The following SEC11A variants were observed in gnomAD, a reference collection of about 807,000 sequenced individuals.
The protein encoded by SEC11A is SEC11 homolog A, signal peptidase complex subunit.
In SEC11A, 14 loss-of-function variants were observed where a neutral mutation model predicts 25.6. The ratio of observed to expected loss-of-function variants is 0.55; its 90% CI spans 0.36 to 0.85. The LOEUF is 0.85. SEC11A is among the 40% of genes least tolerant of loss of function. The pLI, the probability that SEC11A is intolerant of heterozygous loss-of-function variation, is 0.01. For synonymous variants in SEC11A, 83 were observed against 76.4 expected, an observed-to-expected ratio of 1.09 and a Z score of -0.45; for missense variants, 153 against 222.9, an observed-to-expected ratio of 0.69 and a Z score of 2.00.
At chr15:84,688,862 C>G (rs997933523) in intron 2 of SEC11A, among the ~76,000 whole-genome samples, 1 of 152,018 alleles carries the variant, frequency 6.6e-6, no homozygotes, top group African/African-American at 2.4e-5. Flanking sequence ...GAAACCCAGT[C>G]TCAACTAAAA....
chr15:84,711,459 C>CT (rs1898263773), intron 1 of SEC11A, among the ~76,000 whole-genome samples: 1 of 151,730 alleles, frequency 6.6e-6, no homozygotes, highest in Non-Finnish European at 1.5e-5. Flanking sequence ...AACAAGCTTC[C>CT]TAAATTTTCA....
chr15:84,687,810 A>G, intron 2 of SEC11A, 36 bp from the exon 3 acceptor site: 1 of 1,551,442 alleles, frequency 6.4e-7, no homozygotes, highest in Non-Finnish European at 8.7e-7. Context: ...GCAAAAAGAA[A>G]GTATGAGATT....
At chr15:84,715,857 T>C (rs1197379214) in intron 1 of SEC11A, among the ~76,000 whole-genome samples, 168 bp downstream of exon 1, 2 of 152,084 alleles carry the variant, frequency 1.3e-5, no homozygotes, top group East Asian at 3.9e-4. Flanking sequence ...TTAAAAATAA[T>C]GAGGCGGACA....
chr15:84,684,627 G>A lies in SEC11A; in HGVS notation c.311+2998C>T, dbSNP rs140238202. Among the ~76,000 whole-genome samples the A allele has an allele frequency of 3.4e-3, 524 of 152,114 alleles. 1 individual carries two copies. The highest frequency in any genetic ancestry group is 0.011 in the South Asian group (51 of 4,826). On this transcript the variant is annotated intron_variant, in intron 3 of 5. Coordinates refer to ENST00000268220, the MANE Select transcript of SEC11A (RefSeq NM_014300.4). ...ATTTGTCCCCATATTTAAGAACAAT[G>A]TTAATACTATTAAACCAAATGGGGC...
chr15:84,675,417 C>T (rs975860867), intron 4 of SEC11A, among the ~76,000 whole-genome samples: 2 of 152,068 alleles, frequency 1.3e-5, no homozygotes, highest in African/African-American at 2.4e-5. Context: ...AGAAGAGACC[C>T]CAGCACAATT....
At chr15:84,710,811 T>C (rs374966994) in intron 1 of SEC11A, among the ~76,000 whole-genome samples, 28 of 152,158 alleles carry the variant, frequency 1.8e-4, no homozygotes, top group Non-Finnish European at 2.8e-4. Flanking sequence ...TCAATGTGCA[T>C]TGAAAAACAC....
chr15:84,711,775 C>CT (rs1308848548), intron 1 of SEC11A, among the ~76,000 whole-genome samples: 1 of 77,742 alleles, frequency 1.3e-5, no homozygotes, highest in Non-Finnish European at 2.5e-5. Context: ...GAGCGAGACT[C>CT]TATCTCAAAA....
Position 84,670,688 on chromosome 15 carries a change from T to C in SEC11A, c.489+37A>G, listed in dbSNP as rs1461937060. 2.7e-6 allele frequency: 3 copies of C among 1,091,176 alleles called. No homozygotes were observed. In the South Asian group the frequency reaches 4.3e-5, roughly 16 times the overall value. The allele number at this position is 1,091,176 out of a possible 1,614,324, so 67.6% of individuals were successfully genotyped here. The stretch of plus-strand genomic sequence containing the variant: ...AGCCACTGTGCCTGGCCCAAAAGAT[T>C]ACATTTTTTAATAAAACAAATAATA... On this transcript the variant is annotated intron_variant, in intron 5 of 5. Transcript: ENST00000268220.
intron 3 of SEC11A, chr15:84,685,946 G>A (rs566671200): frequency 6.6e-6 from 1 of 151,842 alleles, no homozygotes; most frequent in South Asian, 2.1e-4. Flanking sequence ...GGAGTTACAG[G>A]TGCCCACCAC....
At chr15:84,712,248 A>G (rs1430080363) in intron 1 of SEC11A, among the ~76,000 whole-genome samples, 1 of 151,988 alleles carries the variant, frequency 6.6e-6, no homozygotes, top group Non-Finnish European at 1.5e-5. Context: ...TCTTAAAAAA[A>G]AAAAAATTCT....
chr15:84,716,012 C>A lies in SEC11A; in HGVS notation c.51+13G>T. 6.2e-7 allele frequency: 1 copy of A among 1,612,612 alleles called. No individual in the cohort carries two copies. Among genetic ancestry groups the A allele is most frequent in the South Asian group, 1.1e-5 (1 of 90,902 alleles). ...AAGAAGAGCCAGGAGAAAAAGAGGACGGACAAGCTCACCTGCCGCTTGTTC... is the reference window on the plus strand; with the variant it reads ...AAGAAGAGCCAGGAGAAAAAGAGGAAGGACAAGCTCACCTGCCGCTTGTTC... On this transcript the variant is annotated intron_variant, in intron 1 of 5. Transcript: ENST00000268220.
At chr15:84,715,730 C>G (rs1898441875) in intron 1 of SEC11A, among the ~76,000 whole-genome samples, 3 of 152,170 alleles carry the variant, frequency 2.0e-5, no homozygotes, top group Admixed American at 6.5e-5. Context: ...TAAGCAACCC[C>G]AACTCCCACT....
chr15:84,712,981 C>T (rs964981919), intron 1 of SEC11A, among the ~76,000 whole-genome samples: 3 of 151,948 alleles, frequency 2.0e-5, no homozygotes, highest in Non-Finnish European at 2.9e-5. Context: ...CCGAGGCAGG[C>T]GGATCACAAG....
chr15:84,682,487 C>T (rs757640885), intron 3 of SEC11A, among the ~76,000 whole-genome samples: 7 of 152,116 alleles, frequency 4.6e-5, no homozygotes, highest in Non-Finnish European at 1.0e-4. Flanking sequence ...CTCACACTGT[C>T]GCCCAGGCTG....
chr15:84,669,835 T>C lies in SEC11A; in HGVS notation c.*184A>G, dbSNP rs934322287. 6.2e-6 allele frequency: 6 copies of C among 961,502 alleles called. No homozygotes were observed. In the African/African-American group the frequency reaches 8.3e-5, roughly 13 times the overall value. The allele number at this position is 961,502 out of a possible 1,614,324, so 59.6% of individuals were successfully genotyped here. On this transcript the variant is annotated 3_prime_UTR_variant, in exon 6 of 6. Transcript: ENST00000268220. ...TGACTGAAAGTCCCCTCGAGTGCAC[T>C]CTGTGGTGCACATGCGCCCGCCCAC...
At position 84,670,868 on chromosome 15, in the gene SEC11A, T is replaced by A. The variant is rs969262363; in HGVS notation, c.432-86A>T. ...CACTGAATATTATCAATATCTTCTA[T>A]AGAATACTAATTTTCAATTCACAAA... On this transcript the variant is annotated intron_variant, in intron 4 of 5. Transcript: ENST00000268220. 6.8e-6 allele frequency: 4 copies of A among 590,748 alleles called. No homozygotes were observed. In the African/African-American group the frequency reaches 7.7e-5, roughly 11 times the overall value. 36.6% of individuals were successfully genotyped at this position (590,748 alleles called of 1,614,324 possible). A position where few individuals can be genotyped will look rare whatever the true frequency, so the allele number is the denominator to read the frequency against.
intron 1 of SEC11A, among the ~76,000 whole-genome samples, chr15:84,709,749 G>A (rs1480462189): frequency 2.6e-5 from 4 of 151,604 alleles, no homozygotes; most frequent in Admixed American, 2.6e-4. Flanking sequence ...GGCCTCTTCT[G>A]TTCATTTTTT....
intron 1 of SEC11A, among the ~76,000 whole-genome samples, chr15:84,699,910 A>G (rs1219703442): frequency 6.6e-6 from 1 of 152,022 alleles, no homozygotes; most frequent in African/African-American, 2.4e-5. Context: ...AACAATTCTC[A>G]CAGCTCTTAT....
intron 1 of SEC11A, among the ~76,000 whole-genome samples, chr15:84,693,708 G>A (rs948405711): frequency 4.6e-5 from 7 of 151,956 alleles, no homozygotes; most frequent in Non-Finnish European, 1.5e-5. Flanking sequence ...CAATCCACCC[G>A]CCTTGACGTC....
Sources: allele counts gnomAD v4.1 joint callset (sites outside exome capture counted in the v4.1 genomes callset), GRCh38; gene constraint gnomAD v4.1.1; transcripts MANE v1.5; gene names NCBI Gene and HGNC (gene_info 2026-07-23, HGNC 2026-07-21).